CABLES1: variants seen among roughly 807,000 people sequenced by gnomAD.
CABLES1 encodes the protein CDK5 and ABL1 enzyme substrate 1.
CABLES1 carries 36 observed loss-of-function variants against 57.8 expected under a neutral mutation model. The ratio of observed to expected loss-of-function variants is 0.62; its 90% CI spans 0.48 to 0.82. CABLES1 has a LOEUF of 0.82. Ranked by LOEUF, CABLES1 falls within the 40% of genes least tolerant of loss-of-function variation. CABLES1 has a pLI of 0.00. For missense variants in CABLES1, 767 were observed against 836.6 expected, an observed-to-expected ratio of 0.92 and a Z score of 1.03; for synonymous variants, 374 against 363.0, an observed-to-expected ratio of 1.03 and a Z score of -0.35.
At chr18:23,156,084 C>A in intron 1 of CABLES1, 1 of 1,053,076 alleles carries the variant, frequency 9.5e-7, no homozygotes, top group Non-Finnish European at 1.4e-6. Flanking sequence ...GGATGTCAGT[C>A]CTGATGTGGG....
chr18:23,174,283 A>G (rs371524087), intron 1 of CABLES1, among the ~76,000 whole-genome samples: 19 of 152,352 alleles, frequency 1.2e-4, no homozygotes, highest in East Asian at 5.8e-4. Context: ...ATGTATCAGT[A>G]CTTCGTTCCT....
chr18:23,217,887 G>A (rs2047453739), intron 4 of CABLES1, among the ~76,000 whole-genome samples: 1 of 152,228 alleles, frequency 6.6e-6, no homozygotes, highest in South Asian at 2.1e-4. Context: ...GAGGCACAGT[G>A]GGGCGAAGCT....
chr18:23,166,384 T>C (rs111448069), intron 1 of CABLES1, among the ~76,000 whole-genome samples: 2 of 152,216 alleles, frequency 1.3e-5, no homozygotes, highest in African/African-American at 4.8e-5. Flanking sequence ...GTATTTTTAG[T>C]GTGAGACTGG....
At chr18:23,165,068 C>T (rs896872968) in intron 1 of CABLES1, among the ~76,000 whole-genome samples, 4 of 151,978 alleles carry the variant, frequency 2.6e-5, no homozygotes, top group African/African-American at 4.8e-5. Context: ...CCACCATGTC[C>T]GGCCTTAACT....
intron 2 of CABLES1, 185 bp downstream of exon 2, chr18:23,189,094 A>C (rs1438037129): frequency 3.7e-6 from 2 of 540,458 alleles, no homozygotes; most frequent in Non-Finnish European, 6.5e-6. Flanking sequence ...AAACAACGTT[A>C]AATCCAATTA....
chr18:23,209,752 G>C (rs1457543019), intron 3 of CABLES1, among the ~76,000 whole-genome samples: 1 of 152,152 alleles, frequency 6.6e-6, no homozygotes, highest in East Asian at 1.9e-4. Context: ...ATAGAACAAG[G>C]CTCCGGTTTT....
chr18:23,219,356 G>T, intron 4 of CABLES1: 1 of 453,888 alleles, frequency 2.2e-6, no homozygotes, highest in South Asian at 1.6e-5. Flanking sequence ...GGAAGGAGTT[G>T]GGTGAATTCA....
chr18:23,175,026 T>C (rs993953817), intron 1 of CABLES1, among the ~76,000 whole-genome samples: 5 of 151,804 alleles, frequency 3.3e-5, no homozygotes, highest in South Asian at 2.1e-4. Context: ...TTAAATTGAA[T>C]TGGGCCTTGA....
intron 1 of CABLES1, among the ~76,000 whole-genome samples, chr18:23,145,956 G>A (rs1218141459): frequency 6.6e-6 from 1 of 152,126 alleles, no homozygotes; most frequent in African/African-American, 2.4e-5. Flanking sequence ...TGTGCAAGAG[G>A]GACCCAATCT....
chr18:23,198,539 G>A (rs964483815), intron 3 of CABLES1, among the ~76,000 whole-genome samples: 7 of 152,126 alleles, frequency 4.6e-5, no homozygotes, highest in South Asian at 4.1e-4. Flanking sequence ...GAACTGAGGC[G>A]CAAATAAGCT....
At chr18:23,221,902 A>T (rs1359976212) in intron 4 of CABLES1, among the ~76,000 whole-genome samples, 1 of 152,174 alleles carries the variant, frequency 6.6e-6, no homozygotes, top group African/African-American at 2.4e-5. Context: ...CAAGCCCCTG[A>T]TCCAAGCCTG....
At chr18:23,217,231 G>C (rs572748506) in intron 4 of CABLES1, among the ~76,000 whole-genome samples, 25 of 152,024 alleles carry the variant, frequency 1.6e-4, no homozygotes, top group Admixed American at 1.4e-3. Flanking sequence ...ACAGTCGCGC[G>C]CCACCACACC....
intron 4 of CABLES1, chr18:23,218,991 A>G (rs2047465640): frequency 2.9e-6 from 1 of 350,644 alleles, no homozygotes; most frequent in African/African-American, 2.1e-5. Flanking sequence ...AATTATAGTA[A>G]ATGTACAGTG....
intron 1 of CABLES1, among the ~76,000 whole-genome samples, chr18:23,182,254 G>A (rs1463281708): frequency 1.3e-5 from 2 of 152,128 alleles, no homozygotes; most frequent in African/African-American, 4.8e-5. Flanking sequence ...TCTTTTGCGG[G>A]CCTCAGTGCT....
chr18:23,212,380 A>G (rs1211673482), intron 3 of CABLES1, among the ~76,000 whole-genome samples: 3 of 152,224 alleles, frequency 2.0e-5, no homozygotes. Flanking sequence ...AATGAGGCTC[A>G]GAAGTGTTAG....
chr18:23,220,175 T>C (rs2047476206), intron 4 of CABLES1, among the ~76,000 whole-genome samples: 1 of 152,058 alleles, frequency 6.6e-6, no homozygotes, highest in Non-Finnish European at 1.5e-5. Context: ...TTCCTTACCG[T>C]GATGTATGGG....
At chr18:23,191,639 T>C (rs1222744645) in intron 2 of CABLES1, among the ~76,000 whole-genome samples, 1 of 152,190 alleles carries the variant, frequency 6.6e-6, no homozygotes, top group Admixed American at 6.5e-5. Context: ...ATTAAGTATA[T>C]CCTGTAATCA....
chr18:23,140,309 A>G (rs1375159581), intron 1 of CABLES1, among the ~76,000 whole-genome samples: 1 of 152,126 alleles, frequency 6.6e-6, no homozygotes, highest in Non-Finnish European at 1.5e-5. Context: ...GTGTTACTCT[A>G]CTTCCCGGAG....
At chr18:23,209,975 G>T (rs2047393173) in intron 3 of CABLES1, among the ~76,000 whole-genome samples, 1 of 152,204 alleles carries the variant, frequency 6.6e-6, no homozygotes, top group South Asian at 2.1e-4. Context: ...GAAGCTGCAA[G>T]ATCCCTCATA....
Sources: gnomAD v4.1 joint callset for allele counts (sites outside exome capture counted in the v4.1 genomes callset) on GRCh38, gnomAD v4.1.1 for gene constraint, MANE v1.5 for transcripts, NCBI Gene and HGNC (gene_info 2026-07-23, HGNC 2026-07-21) for gene names.